Variants in ZFAT observed in about 807,000 individuals in gnomAD.
The protein encoded by ZFAT is zinc finger and AT-hook domain containing, also known as zinc finger protein ZFAT.
Under a neutral mutation model 117.7 loss-of-function variants are expected in ZFAT, and 64 were observed. The ratio of observed to expected loss-of-function variants is 0.54; its 90% confidence interval spans 0.44 to 0.67. The LOEUF (loss-of-function observed/expected upper bound fraction) is 0.67. ZFAT is among the 30% of genes least tolerant of loss of function. The pLI, the probability that ZFAT is intolerant of heterozygous loss-of-function variation, is 0.00. For synonymous variants in ZFAT, 679 were observed against 615.0 expected, an observed-to-expected ratio of 1.10 and a Z score of -1.54; for missense variants, 1,433 against 1,584.5, an observed-to-expected ratio of 0.90 and a Z score of 1.62.
chr8:134,530,247 T>C (rs1394941576), intron 12 of ZFAT, among the ~76,000 whole-genome samples: 1 of 152,146 alleles, frequency 6.6e-6, no homozygotes. Context: ...TATCAAAACA[T>C]GAAATTATAA....
At chr8:134,643,221 T>G (rs773627491) in intron 2 of ZFAT, among the ~76,000 whole-genome samples, 1 of 152,234 alleles carries the variant, frequency 6.6e-6, no homozygotes, top group Admixed American at 6.5e-5. Context: ...GGTCAGGGAA[T>G]TAATAAATGG....
chr8:134,818,364 T>C, the ZFAT span, among the ~76,000 whole-genome samples: 1 of 152,138 alleles, frequency 6.6e-6, no homozygotes, highest in Admixed American at 6.5e-5. Context: ...AATAAACATA[T>C]GCAAGGATGC....
At chr8:134,562,520 T>C (rs183961174) in intron 11 of ZFAT, among the ~76,000 whole-genome samples, 2 of 152,330 alleles carry the variant, frequency 1.3e-5, no homozygotes, top group East Asian at 1.9e-4. Context: ...ACTACCTAAA[T>C]TGATATGCAT....
At chr8:134,824,236 A>G in the ZFAT span, among the ~76,000 whole-genome samples, 104 of 152,376 alleles carry the variant, frequency 6.8e-4, no homozygotes, top group African/African-American at 2.4e-3. Flanking sequence ...TTTTCCTCTC[A>G]GGGAACATCA....
upstream of ZFAT, chr8:134,713,074 A>AC: frequency 2.0e-6 from 1 of 501,558 alleles, no homozygotes; most frequent in Non-Finnish European, 3.2e-6. Flanking sequence ...ACGCCTGCGT[A>AC]GCGGACGTCC....
the ZFAT span, among the ~76,000 whole-genome samples, chr8:134,808,133 G>C: frequency 6.6e-6 from 1 of 152,252 alleles, no homozygotes; most frequent in Admixed American, 6.5e-5. Flanking sequence ...GCTCACATGA[G>C]TAAGGAGCTG....
chr8:134,696,612 T>G lies in ZFAT; in HGVS notation c.19+16233A>C, dbSNP rs990041571. 4 of 986,082 alleles carry G rather than the reference T, an allele frequency of 4.1e-6. No individual in the cohort carries two copies. In the Admixed American group the frequency reaches 2.5e-4, roughly 61 times the overall value. The allele number at this position is 986,082 out of a possible 1,614,324, so 61.1% of individuals were successfully genotyped here. ...CTGGCTGGCACCACCCACCCGCGCT[T>G]CTCTCCAATACAGCCACAGCCCTGC... On this transcript the variant is annotated intron_variant, in intron 1 of 15. Coordinates refer to ENST00000377838, the MANE Select transcript of ZFAT (RefSeq NM_020863.4).
chr8:134,566,393 C>CAAAAAAAAAAAAAAAAAAAAA (rs57041885), intron 10 of ZFAT, among the ~76,000 whole-genome samples: 1 of 77,278 alleles, frequency 1.3e-5, no homozygotes. Context: ...GACTCCAACT[C>CAAAAAAAAAAAAAAAAAAAAA]AAAAAAAAAA....
the ZFAT span, among the ~76,000 whole-genome samples, chr8:134,786,558 A>T: frequency 6.6e-6 from 1 of 152,216 alleles, no homozygotes; most frequent in African/African-American, 2.4e-5. Flanking sequence ...CATGGTATAT[A>T]CTATGTGAAA....
chr8:134,807,320 A>G, the ZFAT span, among the ~76,000 whole-genome samples: 1 of 152,228 alleles, frequency 6.6e-6, no homozygotes, highest in African/African-American at 2.4e-5. Flanking sequence ...AATACAAGCC[A>G]TTATCTCCCA....
At chr8:134,479,132 T>C (rs11773931) in intron 15 of ZFAT, among the ~76,000 whole-genome samples, 53,261 of 152,054 alleles carry the variant, frequency 0.35, 9,728 homozygotes, top group Admixed American at 0.41. Context: ...AGCTGGTCCA[T>C]CTGGCAGTGA....
chr8:134,538,302 T>G (rs773756746), intron 11 of ZFAT, among the ~76,000 whole-genome samples: 12 of 151,810 alleles, frequency 7.9e-5, no homozygotes, highest in Non-Finnish European at 1.8e-4. Context: ...GCGCTCTAAA[T>G]CCAACAGGAA....
intron 10 of ZFAT, among the ~76,000 whole-genome samples, chr8:134,569,356 AC>A (rs1824710591): frequency 6.6e-6 from 1 of 152,040 alleles, no homozygotes; most frequent in Non-Finnish European, 1.5e-5. Flanking sequence ...TGACCCCAAC[AC>A]CCCCATTCAC....
chr8:134,549,213 A>G (rs1253895844), intron 11 of ZFAT, among the ~76,000 whole-genome samples: 14 of 152,128 alleles, frequency 9.2e-5, no homozygotes, highest in Admixed American at 9.2e-4. Context: ...AGGCCGAGGC[A>G]GGCGGATCAC....
chr8:134,583,974 C>T lies in ZFAT; in HGVS notation c.2745G>A (p.Glu915=), dbSNP rs766436764. 18 of 1,563,150 alleles carry T rather than the reference C, an allele frequency of 1.2e-5. No individual in the cohort carries two copies. Among genetic ancestry groups the T allele is most frequent in the Middle Eastern group, 1.7e-4 (1 of 6,024 alleles). ...GVKPFKCSLC[E]YATRSKSNLK... ...GGTTACTCTTGCTACGAGTTGCATACTCACACAAAGAACACTTGAAGGGCT... is the reference window on the plus strand; with the variant it reads ...GGTTACTCTTGCTACGAGTTGCATATTCACACAAAGAACACTTGAAGGGCT... The change falls in exon 10 of 16, where the codon GAG becomes GAA. Residue 915 remains glutamate, a synonymous_variant. Transcript: ENST00000377838.
intron 15 of ZFAT, among the ~76,000 whole-genome samples, chr8:134,480,894 G>C (rs1817255796): frequency 6.6e-6 from 1 of 152,206 alleles, no homozygotes; most frequent in South Asian, 2.1e-4. Flanking sequence ...GAGAAGGGCT[G>C]TGTCAAAAGG....
chr8:134,617,234 C>G (rs982821714), intron 3 of ZFAT, among the ~76,000 whole-genome samples: 1 of 152,196 alleles, frequency 6.6e-6, no homozygotes, highest in Non-Finnish European at 1.5e-5. Context: ...CATGCACCCA[C>G]ACACCTGGAG....
chr8:134,702,560 C>A (rs979124882), intron 1 of ZFAT, among the ~76,000 whole-genome samples: 1 of 152,124 alleles, frequency 6.6e-6, no homozygotes, highest in Admixed American at 6.5e-5. Context: ...ACTTGGTTCT[C>A]ATTCTCTGTT....
At chr8:134,565,264 C>A (rs1824354033) in intron 11 of ZFAT, 69 bp downstream of exon 11, 3 of 1,605,096 alleles carry the variant, frequency 1.9e-6, no homozygotes, top group Non-Finnish European at 2.5e-6. Context: ...AATGCTCTCT[C>A]CATCTTCACT....
Sources: allele counts gnomAD v4.1 joint callset (sites outside exome capture counted in the v4.1 genomes callset), GRCh38; gene constraint gnomAD v4.1.1; transcripts MANE v1.5; gene names NCBI Gene and HGNC (gene_info 2026-07-23, HGNC 2026-07-21).